The following PLXDC2 variants were observed in gnomAD, a reference collection of about 807,000 sequenced individuals.
PLXDC2 encodes plexin domain-containing protein 2.
A neutral mutation model predicts 68.9 loss-of-function variants in PLXDC2; 40 were observed. The observed-to-expected ratio is 0.58, with a 90% CI of 0.45 to 0.76. PLXDC2 has a LOEUF of 0.76. Among genes scored for constraint, PLXDC2 ranks in the 30% least tolerant of loss-of-function variants. The pLI is 0.00. For synonymous variants in PLXDC2, 243 were observed against 234.2 expected (o/e 1.04, Z -0.34); for missense variants, 644 against 661.9 (o/e 0.97, Z 0.30).
chr10:20,021,784 C>T (rs568721524), intron 2 of PLXDC2, among the ~76,000 whole-genome samples: 30 of 152,036 alleles, frequency 2.0e-4, no homozygotes, highest in African/African-American at 5.5e-4. Flanking sequence ...CTGCAACCTC[C>T]GCCTCCCTGG....
chr10:20,036,747 G>T (rs1448902621), intron 2 of PLXDC2, among the ~76,000 whole-genome samples: 1 of 152,146 alleles, frequency 6.6e-6, no homozygotes, highest in African/African-American at 2.4e-5. Flanking sequence ...AAAGATAGTT[G>T]TGCACACATA....
rs1300378617 is a variant in PLXDC2 at position 20,110,598 on chromosome 10, T to A, written c.542-32697T>A. On this transcript the variant is annotated intron_variant, in intron 4 of 13. Transcript: ENST00000377252. ...TCCCACTCTCAGGCATCACCAAGAC[T>A]GGTCTCAGCAGCCTGCCCCCTGGCT... 6.6e-5 allele frequency among the ~76,000 whole-genome samples: 10 copies of A among 152,248 alleles called. No individual in the cohort carries two copies. In the East Asian group the frequency reaches 1.9e-3, roughly 30 times the overall value.
At chr10:19,962,851 T>G (rs1834182732) in intron 1 of PLXDC2, among the ~76,000 whole-genome samples, 2 of 150,590 alleles carry the variant, frequency 1.3e-5, no homozygotes, top group South Asian at 4.2e-4. Flanking sequence ...TTAGCCGGGC[T>G]TGGTGGCTGG....
chr10:20,036,176 G>A (rs1231326071), intron 2 of PLXDC2, among the ~76,000 whole-genome samples: 3 of 152,154 alleles, frequency 2.0e-5, no homozygotes, highest in Non-Finnish European at 4.4e-5. Context: ...AAATGCATAG[G>A]TTGAAGCCCT....
intron 10 of PLXDC2, among the ~76,000 whole-genome samples, chr10:20,213,559 A>G (rs1835097802): frequency 6.6e-6 from 1 of 152,122 alleles, no homozygotes; most frequent in African/African-American, 2.4e-5. Context: ...TCTGTAATCC[A>G]TCTATCAATA....
intron 1 of PLXDC2, among the ~76,000 whole-genome samples, chr10:19,833,373 C>T (rs1836730326): frequency 6.6e-6 from 1 of 152,210 alleles, no homozygotes; most frequent in African/African-American, 2.4e-5. Context: ...CCAGCAGGCT[C>T]AGACTTGCAT....
At chr10:20,062,207 C>T (rs756004503) in intron 3 of PLXDC2, among the ~76,000 whole-genome samples, 5 of 152,138 alleles carry the variant, frequency 3.3e-5, no homozygotes, top group African/African-American at 4.8e-5. Flanking sequence ...GGGCGGATCA[C>T]GAGGTCAAAA....
intron 1 of PLXDC2, among the ~76,000 whole-genome samples, chr10:19,908,139 T>C (rs1261036867): frequency 6.6e-6 from 1 of 152,178 alleles, no homozygotes; most frequent in Admixed American, 6.5e-5. Context: ...TAGATGGATG[T>C]TTTTATCATT....
At chr10:20,193,219 T>C (rs983480923) in intron 9 of PLXDC2, among the ~76,000 whole-genome samples, 1 of 152,066 alleles carries the variant, frequency 6.6e-6, no homozygotes, top group Non-Finnish European at 1.5e-5. Context: ...CCATATGGCC[T>C]GTAAGCCCAG....
At chr10:20,004,229 T>A (rs1206743405) in intron 2 of PLXDC2, among the ~76,000 whole-genome samples, 1 of 152,180 alleles carries the variant, frequency 6.6e-6, no homozygotes, top group East Asian at 1.9e-4. Context: ...AATACAGCAA[T>A]TTCTCAAACC....
At chr10:20,269,233 A>G (rs185004473) in intron 13 of PLXDC2, among the ~76,000 whole-genome samples, 72 of 152,348 alleles carry the variant, frequency 4.7e-4, no homozygotes, top group African/African-American at 1.6e-3. Context: ...TGATTTGGAC[A>G]ATAAATCATA....
intron 12 of PLXDC2, among the ~76,000 whole-genome samples, chr10:20,229,498 T>G (rs574284490): frequency 7.7e-6 from 1 of 130,450 alleles, no homozygotes; most frequent in South Asian, 2.4e-4. Context: ...ACTCACGTAA[T>G]ATGCTGATCC....
chr10:20,194,053 A>C (rs1834804239), intron 9 of PLXDC2, among the ~76,000 whole-genome samples: 1 of 152,056 alleles, frequency 6.6e-6, no homozygotes, highest in Non-Finnish European at 1.5e-5. Context: ...AAGCTCACAA[A>C]TTTATAATAA....
intron 2 of PLXDC2, among the ~76,000 whole-genome samples, chr10:20,044,723 A>G (rs1835767016): frequency 6.6e-6 from 1 of 152,132 alleles, no homozygotes; most frequent in African/African-American, 2.4e-5. Context: ...CACAATCAGA[A>G]CAAGGGAAAT....
At chr10:20,043,197 C>T (rs543943188) in intron 2 of PLXDC2, 4 of 152,240 alleles carry the variant, frequency 2.6e-5, no homozygotes, top group South Asian at 4.1e-4. Flanking sequence ...ATGTGTGTCT[C>T]TGCATTCCTA....
intron 1 of PLXDC2, among the ~76,000 whole-genome samples, chr10:19,826,071 T>A (rs1836563251): frequency 6.6e-6 from 1 of 152,222 alleles, no homozygotes; most frequent in South Asian, 2.1e-4. Flanking sequence ...ATGAAAAGTA[T>A]ATATGAAATA....
intron 1 of PLXDC2, among the ~76,000 whole-genome samples, chr10:19,823,662 C>T (rs1836521037): frequency 6.7e-6 from 1 of 149,602 alleles, no homozygotes; most frequent in Admixed American, 6.7e-5. Flanking sequence ...CAGAGCAAGA[C>T]TTCATCTCAA....
chr10:20,051,906 A>G (rs942615777), intron 3 of PLXDC2, among the ~76,000 whole-genome samples: 1 of 152,050 alleles, frequency 6.6e-6, no homozygotes. Context: ...CTCTACTGTT[A>G]TAGCTCAATA....
rs1041876128 is a variant in PLXDC2, at chr10:20,287,845, A to G, written c.*8026A>G. 6.6e-6 allele frequency: 1 copy of G among 151,852 alleles called. No homozygotes were observed. Among genetic ancestry groups the G allele is most frequent in the Admixed American group, 6.6e-5 (1 of 15,248 alleles). The allele number at this position is 151,852 out of a possible 1,614,324, so 9.4% of individuals were successfully genotyped here. A position where few individuals can be genotyped will look rare whatever the true frequency, so the allele number is the denominator to read the frequency against. Reference sequence around the variant, plus strand: ...TATTTTCAGGGGAAAAAAAGGAGAGAGTCTTTTTTATATGCCAGCTGGGAT... The same window carrying G: ...TATTTTCAGGGGAAAAAAAGGAGAGGGTCTTTTTTATATGCCAGCTGGGAT... On this transcript the variant is annotated 3_prime_UTR_variant, in exon 14 of 14. Transcript: ENST00000377252.
Sources: gnomAD v4.1 joint callset for allele counts (sites outside exome capture counted in the v4.1 genomes callset) on GRCh38, gnomAD v4.1.1 for gene constraint, MANE v1.5 for transcripts, NCBI Gene and HGNC (gene_info 2026-07-23, HGNC 2026-07-21) for gene names.